Variants in ROR1 observed in about 807,000 individuals in gnomAD.
ROR1 encodes inactive tyrosine-protein kinase transmembrane receptor ROR1.
A neutral mutation model predicts 78.8 loss-of-function variants in ROR1; 19 were observed. That is an observed-to-expected ratio of 0.24 (90% confidence interval 0.17 to 0.35). The LOEUF (loss-of-function observed/expected upper bound fraction) is 0.35, where lower values mean the gene tolerates loss of function less well. Among genes scored for constraint, ROR1 ranks in the 10% least tolerant of loss-of-function variants. The pLI is 1.00. For missense variants in ROR1, 917 were observed against 1,177.8 expected (o/e 0.78, Z 3.24); for synonymous variants, 386 against 433.6 (o/e 0.89, Z 1.36).
At chr1:64,044,613 G>A (rs1182115701) in intron 2 of ROR1, among the ~76,000 whole-genome samples, 2 of 152,120 alleles carry the variant, frequency 1.3e-5, no homozygotes, top group Non-Finnish European at 2.9e-5. Flanking sequence ...TATACGTAAA[G>A]TACTCCTGCC....
intron 1 of ROR1, among the ~76,000 whole-genome samples, chr1:63,942,189 A>G (rs1323913415): frequency 6.6e-6 from 1 of 151,698 alleles, no homozygotes; most frequent in Non-Finnish European, 1.5e-5. Flanking sequence ...AACTAAAAGG[A>G]CCTGACCTAG....
chr1:64,156,293 C>T (rs11580957), intron 7 of ROR1, among the ~76,000 whole-genome samples: 32,153 of 152,132 alleles, frequency 0.21, 3,575 homozygotes, highest in Non-Finnish European at 0.24. Flanking sequence ...ACTTGGTGCC[C>T]TGTGGCAGAC....
At chr1:63,785,085 A>G (rs1644675994) in intron 1 of ROR1, among the ~76,000 whole-genome samples, 2 of 152,238 alleles carry the variant, frequency 1.3e-5, no homozygotes, top group South Asian at 2.1e-4. Context: ...TACCCTGGAA[A>G]GGCTCTTATC....
At chr1:63,982,355 A>G (rs946389079) in intron 1 of ROR1, among the ~76,000 whole-genome samples, 3 of 152,238 alleles carry the variant, frequency 2.0e-5, no homozygotes, top group African/African-American at 7.2e-5. Flanking sequence ...TTGGGAAAGC[A>G]CTTTGAAAAT....
rs1007417651 is a variant in ROR1 at position 64,049,858 on chromosome 1, A to G, written c.331A>G (p.Ile111Val). The G allele has an allele frequency of 3.1e-6, 5 of 1,614,208 alleles. No individual in the cohort carries two copies. The highest frequency in any genetic ancestry group is 4.2e-6 in the Non-Finnish European group (5 of 1,180,042). ...CCGGAGGCTCTCCTTTCGGTCCACCATCTATGGCTCTCGGCTGCGGATTAG... is the reference window on the plus strand; with the variant it reads ...CCGGAGGCTCTCCTTTCGGTCCACCGTCTATGGCTCTCGGCTGCGGATTAG... ...EPRRLSFRST[I>V]YGSRLRIRNL... is the part of the protein sequence containing the mutation. Residue 111 changes from isoleucine (I) to valine (V), a missense_variant, in exon 3 of 9, where the codon ATC becomes GTC. Physicochemically the swap from Ile to Val is conservative, Grantham distance 29. Transcript: ENST00000371079.
intron 1 of ROR1, among the ~76,000 whole-genome samples, chr1:63,975,473 C>T (rs1295608957): frequency 2.0e-5 from 3 of 152,062 alleles, no homozygotes; most frequent in African/African-American, 7.2e-5. Context: ...ACTGAGATGG[C>T]ATAATTAGCT....
intron 1 of ROR1, among the ~76,000 whole-genome samples, chr1:63,884,455 T>C (rs888765460): frequency 3.3e-5 from 5 of 152,166 alleles, no homozygotes; most frequent in African/African-American, 1.2e-4. Flanking sequence ...TCATCAAGCC[T>C]GACCCCTTTC....
At chr1:63,910,386 AT>A (rs1236761899) in intron 1 of ROR1, among the ~76,000 whole-genome samples, 1 of 152,172 alleles carries the variant, frequency 6.6e-6, no homozygotes, top group Non-Finnish European at 1.5e-5. Flanking sequence ...GAAAGGGCTC[AT>A]TGGCTGGTTT....
chr1:63,991,958 G>A (rs1170863257), intron 1 of ROR1, among the ~76,000 whole-genome samples: 1 of 152,130 alleles, frequency 6.6e-6, no homozygotes, highest in African/African-American at 2.4e-5. Context: ...GTGACGAATA[G>A]GAAAGGAGAA....
chr1:64,178,272 T>A lies in ROR1; in HGVS notation c.2231T>A (p.Val744Asp), dbSNP rs770384961. ...SRRPRFKDIH[V>D]RLRSWEGLSS... Reference sequence around the variant, plus strand: ...AGACCAAGATTTAAAGATATTCACGTCCGGCTTCGGTCCTGGGAGGGACTC... The same window carrying A: ...AGACCAAGATTTAAAGATATTCACGACCGGCTTCGGTCCTGGGAGGGACTC... Residue 744 changes from valine to aspartate, a missense_variant, in exon 9 of 9, where the codon GTC becomes GAC. Physicochemically the swap from Val to Asp is radical, Grantham distance 152. This residue lies in a region of ROR1 where 835 missense variants were observed against 1,069.8 expected (regional missense o/e 0.78). Transcript: ENST00000371079. This position sits in a 1 kb window ranked among gnomAD's most constrained non-coding sequence, Gnocchi z 4.3. The A allele has an allele frequency of 6.2e-7, 1 of 1,614,104 alleles. No individual in the cohort carries two copies. The highest frequency in any genetic ancestry group is 8.5e-7 in the Non-Finnish European group (1 of 1,180,004).
chr1:63,883,385 C>CTTG (rs111694355), intron 1 of ROR1, among the ~76,000 whole-genome samples: 141,261 of 151,994 alleles, frequency 0.93, 65,719 homozygotes, highest in East Asian at 1. Flanking sequence ...CTGGACTTTA[C>CTTG]TTGTAATCTT....
At chr1:63,997,079 G>A (rs1646342876) in intron 1 of ROR1, among the ~76,000 whole-genome samples, 1 of 152,176 alleles carries the variant, frequency 6.6e-6, no homozygotes, top group Admixed American at 6.6e-5. Flanking sequence ...AATCTTAATA[G>A]CTTTCTCAAC....
intron 1 of ROR1, among the ~76,000 whole-genome samples, chr1:63,989,123 C>G (rs1474647965): frequency 6.7e-6 from 1 of 149,514 alleles, no homozygotes; most frequent in Non-Finnish European, 1.5e-5. Context: ...CATAAGCATT[C>G]CAGTTTCTCC....
intron 1 of ROR1, among the ~76,000 whole-genome samples, chr1:63,887,870 T>G (rs1645367869): frequency 6.6e-6 from 1 of 152,200 alleles, no homozygotes; most frequent in South Asian, 2.1e-4. Context: ...TATTGACCAC[T>G]TCACTCTTCT....
rs1649250370 is a variant in ROR1, at chr1:64,140,039, T to TC, written c.611-68dup. ...TTGCAATGTGTGTTTATATCTGATA[T>TC]CCGTTGACTAGATAACCAAAGAAGA... is the stretch of plus-strand genomic sequence containing the variant. On this transcript the variant is annotated intron_variant, in intron 5 of 8. Coordinates refer to ENST00000371079, the MANE Select transcript of ROR1 (RefSeq NM_005012.4). The TC allele has an allele frequency of 2.0e-5, 28 of 1,392,324 alleles. 1 individual carries two copies. In the South Asian group the frequency reaches 3.6e-4, roughly 18 times the overall value. 86.2% of individuals were successfully genotyped at this position (1,392,324 alleles called of 1,614,324 possible). A position where few individuals can be genotyped will look rare whatever the true frequency, so the allele number is the denominator to read the frequency against.
At chr1:63,997,013 T>G (rs959244997) in intron 1 of ROR1, among the ~76,000 whole-genome samples, 1 of 152,048 alleles carries the variant, frequency 6.6e-6, no homozygotes, top group Non-Finnish European at 1.5e-5. Flanking sequence ...CGGACTTTCT[T>G]GAAAGGAAAA....
intron 1 of ROR1, among the ~76,000 whole-genome samples, chr1:63,895,511 G>T (rs1569873628): frequency 1.3e-5 from 2 of 152,156 alleles, no homozygotes; most frequent in Non-Finnish European, 1.5e-5. Context: ...TGAAGTCAGG[G>T]TGAGGTTTTG....
chr1:64,076,392 A>C (rs969166423), intron 4 of ROR1, among the ~76,000 whole-genome samples: 6 of 152,102 alleles, frequency 3.9e-5, no homozygotes, highest in Admixed American at 1.3e-4. Flanking sequence ...TATGATCTGC[A>C]CCTTCAGGGA....
At chr1:63,789,227 G>A in intron 1 of ROR1, 3 of 593,916 alleles carry the variant, frequency 5.1e-6, no homozygotes, top group South Asian at 4.4e-5. Flanking sequence ...TGGTTTCATT[G>A]GGGTCCAACC....
Sources: allele counts gnomAD v4.1 joint callset (sites outside exome capture counted in the v4.1 genomes callset), GRCh38; gene constraint gnomAD v4.1.1; regional missense constraint gnomAD v4.1.1; non-coding constraint Gnocchi (gnomAD v3.1); transcripts MANE v1.5; gene names NCBI Gene and HGNC (gene_info 2026-07-23, HGNC 2026-07-21).